The following BBS9 variants were observed in gnomAD, a reference collection of about 807,000 sequenced individuals.
BBS9 encodes protein PTHB1.
In BBS9, 89 loss-of-function variants were observed where a neutral mutation model predicts 117.7. The ratio of observed to expected loss-of-function variants is 0.76; its 90% CI spans 0.64 to 0.90. BBS9 has a LOEUF of 0.90. BBS9 is among the 40% of genes least tolerant of loss of function. The pLI, the probability that BBS9 is intolerant of heterozygous loss-of-function variation, is 0.00. For missense variants in BBS9, 982 were observed against 1,042.2 expected (o/e 0.94, Z 0.80); for synonymous variants, 379 against 370.9 (o/e 1.02, Z -0.25).
intron 16 of BBS9, among the ~76,000 whole-genome samples, chr7:33,365,728 G>A (rs935401571): frequency 6.6e-6 from 1 of 152,236 alleles, no homozygotes; most frequent in African/African-American, 2.4e-5. Context: ...AATGGCACCA[G>A]TGCCTGGGGC....
chr7:33,558,079 T>C (rs1326902908), intron 21 of BBS9, among the ~76,000 whole-genome samples: 4 of 152,222 alleles, frequency 2.6e-5, no homozygotes, highest in Non-Finnish European at 5.9e-5. Flanking sequence ...AAATATACCT[T>C]TATTATCTCT....
intron 21 of BBS9, among the ~76,000 whole-genome samples, chr7:33,627,619 C>T (rs999561460): frequency 3.3e-5 from 5 of 152,212 alleles, no homozygotes; most frequent in Admixed American, 6.5e-5. Flanking sequence ...GCCACATAGG[C>T]AGAGATGGCC....
intron 21 of BBS9, among the ~76,000 whole-genome samples, chr7:33,601,044 G>T (rs766120072): frequency 1.4e-4 from 22 of 152,192 alleles, no homozygotes; most frequent in Non-Finnish European, 3.2e-4. Context: ...AGGGGCAGGG[G>T]GAGGGCCAGT....
chr7:33,175,246 G>C (rs1381228025), intron 4 of BBS9, among the ~76,000 whole-genome samples: 1 of 151,982 alleles, frequency 6.6e-6, no homozygotes, highest in Admixed American at 6.6e-5. Flanking sequence ...AGAGCAGTGA[G>C]TGGAAATTGT....
chr7:33,246,169 G>C (rs929408892), intron 5 of BBS9, among the ~76,000 whole-genome samples: 1 of 152,136 alleles, frequency 6.6e-6, no homozygotes, highest in Non-Finnish European at 1.5e-5. Context: ...ATTGAAGTCT[G>C]TGATAGGAAT....
intron 5 of BBS9, among the ~76,000 whole-genome samples, chr7:33,178,779 T>G (rs530451210): frequency 7.1e-6 from 1 of 140,032 alleles, no homozygotes; most frequent in East Asian, 2.0e-4. Flanking sequence ...GTGAACTCAG[T>G]TTTTTTTTTT....
intron 7 of BBS9, among the ~76,000 whole-genome samples, chr7:33,267,052 A>C (rs1453234132): frequency 6.6e-6 from 1 of 151,880 alleles, no homozygotes; most frequent in Non-Finnish European, 1.5e-5. Context: ...ATATATCTAT[A>C]TTTATTTATT....
chr7:33,256,082 G>A (rs1359920777), intron 5 of BBS9, among the ~76,000 whole-genome samples: 1 of 152,160 alleles, frequency 6.6e-6, no homozygotes, highest in Non-Finnish European at 1.5e-5. Context: ...GAACCCAGGA[G>A]GTGGAGGTTG....
intron 9 of BBS9, among the ~76,000 whole-genome samples, chr7:33,321,249 AT>A (rs937269003): frequency 6.6e-6 from 1 of 151,098 alleles, no homozygotes; most frequent in Non-Finnish European, 1.5e-5. Flanking sequence ...AAATCACTGG[AT>A]TTTTTTTTGT....
chr7:33,150,171 AT>A (rs1231510147), intron 2 of BBS9, among the ~76,000 whole-genome samples: 1 of 152,178 alleles, frequency 6.6e-6, no homozygotes, highest in Non-Finnish European at 1.5e-5. Flanking sequence ...CTTCTCAGTG[AT>A]TAAGCCCCAC....
At chr7:33,306,146 T>C (rs1213755461) in intron 9 of BBS9, among the ~76,000 whole-genome samples, 2 of 152,152 alleles carry the variant, frequency 1.3e-5, no homozygotes, top group African/African-American at 4.8e-5. Flanking sequence ...AATTTCTTCA[T>C]TGACCCACTC....
At chr7:33,284,600 T>C (rs1802530838) in intron 9 of BBS9, among the ~76,000 whole-genome samples, 1 of 152,246 alleles carries the variant, frequency 6.6e-6, no homozygotes, top group African/African-American at 2.4e-5. Context: ...GTTTCCTATG[T>C]TATATCTTTG....
At chr7:33,295,824 G>A (rs967029310) in intron 9 of BBS9, among the ~76,000 whole-genome samples, 1 of 151,852 alleles carries the variant, frequency 6.6e-6, no homozygotes, top group South Asian at 2.1e-4. Context: ...GGAATTTTTG[G>A]TCAACAGTGA....
chr7:33,312,578 C>T (rs571921941), intron 9 of BBS9, among the ~76,000 whole-genome samples: 10 of 152,286 alleles, frequency 6.6e-5, no homozygotes, highest in African/African-American at 2.2e-4. Context: ...TCTTGCCAGA[C>T]ATTCAAAGGC....
chr7:33,332,315 GA>G, intron 9 of BBS9, among the ~76,000 whole-genome samples: 1 of 152,224 alleles, frequency 6.6e-6, no homozygotes, highest in East Asian at 1.9e-4. Context: ...ATGAATCAAA[GA>G]CTTAAATCTA....
intron 19 of BBS9, among the ~76,000 whole-genome samples, chr7:33,442,141 G>A (rs895225207): frequency 3.9e-5 from 6 of 152,156 alleles, no homozygotes; most frequent in South Asian, 4.1e-4. Context: ...ATCCGCTCAC[G>A]TTGGCCTCCC....
At chr7:33,253,859 T>G (rs546399318) in intron 5 of BBS9, among the ~76,000 whole-genome samples, 1 of 152,254 alleles carries the variant, frequency 6.6e-6, no homozygotes, top group South Asian at 2.1e-4. Flanking sequence ...AACATAATAA[T>G]ATGATGCGTC....
chr7:33,424,477 C>G (rs1833350067), intron 19 of BBS9, among the ~76,000 whole-genome samples: 1 of 152,058 alleles, frequency 6.6e-6, no homozygotes, highest in Admixed American at 6.6e-5. Flanking sequence ...TTAAAAGGTT[C>G]CCTGGTGATT....
At chr7:33,180,201 CTG>C (rs987119539) in intron 5 of BBS9, among the ~76,000 whole-genome samples, 1 of 152,194 alleles carries the variant, frequency 6.6e-6, no homozygotes, top group Non-Finnish European at 1.5e-5. Context: ...TTAGCTTAGA[CTG>C]TGTGGTCCAA....
Sources: gnomAD v4.1 joint callset for allele counts (sites outside exome capture counted in the v4.1 genomes callset) on GRCh38, gnomAD v4.1.1 for gene constraint, MANE v1.5 for transcripts, NCBI Gene and HGNC (gene_info 2026-07-23, HGNC 2026-07-21) for gene names.